Variants in TOGARAM2 observed in about 807,000 individuals in gnomAD.
TOGARAM2 encodes TOG array regulator of axonemal microtubules protein 2.
Under a neutral mutation model 93.3 loss-of-function variants are expected in TOGARAM2, and 85 were observed. The ratio of observed to expected loss-of-function variants is 0.91; its 90% CI spans 0.76 to 1.09. The LOEUF (loss-of-function observed/expected upper bound fraction) is 1.09. Among genes scored for constraint, TOGARAM2 ranks in the 50% least tolerant of loss-of-function variants. The probability of loss-of-function intolerance (pLI) is 0.00; values close to 1 mark genes in which losing one functional copy is unlikely to be tolerated. For missense variants in TOGARAM2, 1,277 were observed against 1,334.5 expected, an observed-to-expected ratio of 0.96 and a Z score of 0.67; for synonymous variants, 593 against 552.8, an observed-to-expected ratio of 1.07 and a Z score of -1.02.
chr2:28,986,426 T>C (rs778091764), intron 1 of TOGARAM2, among the ~76,000 whole-genome samples: 13 of 152,180 alleles, frequency 8.5e-5, no homozygotes, highest in South Asian at 2.1e-4. Context: ...CTCGGCTGCG[T>C]TGGGCATAAA....
At chr2:29,034,549 A>G (rs2148374485) in intron 16 of TOGARAM2, among the ~76,000 whole-genome samples, 2 of 152,360 alleles carry the variant, frequency 1.3e-5, no homozygotes, top group African/African-American at 4.8e-5. Flanking sequence ...GCAGGAGTGA[A>G]TCACAGAATG....
At chr2:29,022,912 G>A (rs1665053338) in intron 11 of TOGARAM2, among the ~76,000 whole-genome samples, 174 bp from the exon 12 acceptor site, 1 of 152,188 alleles carries the variant, frequency 6.6e-6, no homozygotes, top group Admixed American at 6.5e-5. Context: ...TGAGTGGTTA[G>A]GATTCCAGGC....
At position 29,002,664 on chromosome 2, in the gene TOGARAM2, G is replaced by A; in HGVS notation, c.556G>A (p.Glu186Lys). 5 of 1,614,030 alleles carry A rather than the reference G, an allele frequency of 3.1e-6. No individual in the cohort carries two copies. The highest frequency in any genetic ancestry group is 4.2e-6 in the Non-Finnish European group (5 of 1,179,890). Reference protein sequence around the residue: ...PLIQSIPTTPEASGVKEKGLD... With the variant: ...PLIQSIPTTPKASGVKEKGLD... ...CATCCAGAGCATCCCTACCACCCCT[G>A]AGGCCAGCGGAGTCAAAGAGAAGGG... Residue 186 changes from glutamate to lysine, a missense_variant, in exon 5 of 20, where the codon GAG becomes AAG. Physicochemically the swap from Glu to Lys is moderately conservative, Grantham distance 56. Transcript: ENST00000379558.
At chr2:29,024,979 C>T (rs17007459) in intron 13 of TOGARAM2, among the ~76,000 whole-genome samples, 7 of 152,078 alleles carry the variant, frequency 4.6e-5, no homozygotes, top group Admixed American at 1.3e-4. Flanking sequence ...TGTCATTAAA[C>T]ACCCACACTA....
At chr2:29,046,535 A>G (rs538041482) in intron 19 of TOGARAM2, 1 of 152,422 alleles carries the variant, frequency 6.6e-6, no homozygotes, top group African/African-American at 2.4e-5. Context: ...TGTCTTCAGG[A>G]TAGTGTCCAG....
At chr2:29,041,276 G>A (rs1666420143) in intron 18 of TOGARAM2, among the ~76,000 whole-genome samples, 2 of 152,174 alleles carry the variant, frequency 1.3e-5, no homozygotes, top group East Asian at 1.9e-4. Context: ...TGCTCACCTC[G>A]GCCTCCCAAA....
At chr2:28,985,086 G>A (rs1672406475) in intron 1 of TOGARAM2, among the ~76,000 whole-genome samples, 1 of 152,192 alleles carries the variant, frequency 6.6e-6, no homozygotes, top group African/African-American at 2.4e-5. Context: ...CCCATGTGTT[G>A]GTATTAGGAG....
intron 1 of TOGARAM2, among the ~76,000 whole-genome samples, chr2:28,991,702 C>T (rs920911899): frequency 3.3e-5 from 5 of 152,164 alleles, no homozygotes; most frequent in African/African-American, 9.7e-5. Context: ...GTGCGAGGCC[C>T]GGGTGGTTGG....
chr2:28,999,485 G>T lies in TOGARAM2; in HGVS notation c.427+17G>T, dbSNP rs200300460. On this transcript the variant is annotated intron_variant, in intron 4 of 19. Coordinates refer to ENST00000379558, the MANE Select transcript of TOGARAM2 (RefSeq NM_199280.4). ...CTTCCCGAGGTGAGCACTGGCCCCTGCCCACCCCTCACCCACCCACTTCCA... is the reference window on the plus strand; with the variant it reads ...CTTCCCGAGGTGAGCACTGGCCCCTTCCCACCCCTCACCCACCCACTTCCA... 1.0e-5 allele frequency: 16 copies of T among 1,573,974 alleles called. No homozygotes were observed. In the African/African-American group the frequency reaches 1.8e-4, roughly 17 times the overall value.
intron 1 of TOGARAM2, among the ~76,000 whole-genome samples, chr2:28,958,117 T>A (rs1316273399): frequency 6.6e-6 from 1 of 152,168 alleles, no homozygotes; most frequent in African/African-American, 2.4e-5. Context: ...GAAAGACAAA[T>A]AGGTCCGTTC....
intron 1 of TOGARAM2, among the ~76,000 whole-genome samples, chr2:28,968,834 A>C (rs1671905211): frequency 2.2e-5 from 3 of 133,722 alleles, no homozygotes; most frequent in East Asian, 1.9e-4. Flanking sequence ...AAAAAAAAAA[A>C]AAAAAACAAG....
chr2:28,995,533 A>G (rs764801873), intron 2 of TOGARAM2, among the ~76,000 whole-genome samples: 2 of 152,262 alleles, frequency 1.3e-5, no homozygotes, highest in Non-Finnish European at 2.9e-5. Flanking sequence ...GGGCTTCGAC[A>G]TATGAATCGG....
chr2:28,982,668 G>T (rs1672256383), intron 1 of TOGARAM2, among the ~76,000 whole-genome samples: 1 of 152,180 alleles, frequency 6.6e-6, no homozygotes, highest in African/African-American at 2.4e-5. Context: ...GCCTCTGAGG[G>T]CAGCGCATCC....
intron 13 of TOGARAM2, among the ~76,000 whole-genome samples, chr2:29,026,260 C>T (rs1306787246): frequency 1.3e-5 from 2 of 152,146 alleles, no homozygotes; most frequent in Admixed American, 1.3e-4. Context: ...ACTTAATGAT[C>T]ACTCTTTTCG....
At chr2:28,999,598 C>CCTGGT in intron 4 of TOGARAM2, 130 bp downstream of exon 4, 6 of 1,071,026 alleles carry the variant, frequency 5.6e-6, no homozygotes, top group Non-Finnish European at 6.6e-6. Flanking sequence ...TCGGTGGGTA[C>CCTGGT]ATACCAGGTA....
chr2:28,969,505 C>T lies in TOGARAM2; in HGVS notation c.-147+12808C>T, dbSNP rs116709402. On this transcript the variant is annotated intron_variant, in intron 1 of 6. Transcript: ENST00000401723. ...GAGGCCCAATGGGACTTGGGTCACT[C>T]ACACCAATGGGTCATTAACTTTTGT... Among the ~76,000 whole-genome samples the T allele has an allele frequency of 3.3e-3, 498 of 152,286 alleles. 1 individual carries two copies. Among genetic ancestry groups the T allele is most frequent in the Middle Eastern group, 0.017 (5 of 294 alleles).
intron 1 of TOGARAM2, among the ~76,000 whole-genome samples, chr2:28,959,253 C>G (rs951504680): frequency 6.6e-6 from 1 of 152,108 alleles, no homozygotes; most frequent in Admixed American, 6.6e-5. Flanking sequence ...TGATGTTTCC[C>G]CCTCATGTCC....
intron 14 of TOGARAM2, among the ~76,000 whole-genome samples, chr2:29,029,118 G>T (rs1337821490): frequency 6.6e-6 from 1 of 152,174 alleles, no homozygotes; most frequent in Non-Finnish European, 1.5e-5. Context: ...TATCCATTGG[G>T]TATCATCATA....
chr2:28,982,994 G>A lies in TOGARAM2; in HGVS notation c.-111+1456G>A, dbSNP rs1289570145. The stretch of plus-strand genomic sequence containing the variant: ...TGCATTTTTATTTTAATTTAATTTC[G>A]CTTCATTTTTTGAGACAAGGTTTCA... On this transcript the variant is annotated intron_variant, in intron 1 of 19. Transcript: ENST00000379558. Among the ~76,000 whole-genome samples the A allele has an allele frequency of 3.3e-5, 5 of 150,124 alleles. 1 individual carries two copies. Among genetic ancestry groups the A allele is most frequent in the African/African-American group, 4.9e-5 (2 of 40,618 alleles).
Sources: gnomAD v4.1 joint callset for allele counts (sites outside exome capture counted in the v4.1 genomes callset) on GRCh38, gnomAD v4.1.1 for gene constraint, MANE v1.5 for transcripts, NCBI Gene and HGNC (gene_info 2026-07-23, HGNC 2026-07-21) for gene names.